Variants in ESRRG observed in about 807,000 individuals in gnomAD.
ESRRG encodes the protein estrogen-related receptor gamma.
ESRRG carries 13 observed loss-of-function variants against 44.0 expected under a neutral mutation model. The observed-to-expected ratio is 0.30, with a 90% CI of 0.19 to 0.47. ESRRG has a LOEUF of 0.47. ESRRG is among the 20% of genes least tolerant of loss of function. The pLI is 1.00. For synonymous variants in ESRRG, 215 were observed against 214.6 expected, an observed-to-expected ratio of 1.00 and a Z score of -0.02; for missense variants, 395 against 580.6, an observed-to-expected ratio of 0.68 and a Z score of 3.29.
intron 1 of ESRRG, among the ~76,000 whole-genome samples, chr1:217,037,632 A>G (rs2083138324): frequency 6.6e-6 from 1 of 152,192 alleles, no homozygotes; most frequent in Non-Finnish European, 1.5e-5. Context: ...CAAATCTCCT[A>G]TCTTCACATT....
intron 1 of ESRRG, among the ~76,000 whole-genome samples, chr1:216,967,613 C>A (rs924174409): frequency 1.2e-4 from 19 of 152,122 alleles, no homozygotes; most frequent in African/African-American, 4.6e-4. Context: ...TCTGGATGTA[C>A]CATGGTTTAT....
At chr1:217,058,784 C>G (rs1485029771) in intron 1 of ESRRG, among the ~76,000 whole-genome samples, 2 of 151,496 alleles carry the variant, frequency 1.3e-5, no homozygotes, top group Non-Finnish European at 2.9e-5. Context: ...GGAAGGCGAT[C>G]TAACTGTAAT....
At chr1:216,559,580 A>G (rs1205045617) in intron 5 of ESRRG, among the ~76,000 whole-genome samples, 3 of 152,232 alleles carry the variant, frequency 2.0e-5, no homozygotes, top group Admixed American at 1.3e-4. Context: ...CTGTACATCA[A>G]ACCTTAATCA....
intron 1 of ESRRG, among the ~76,000 whole-genome samples, chr1:217,133,645 C>CTCTCTCTTTCTTTCTTTCTTTCTTTT (rs1266397788): frequency 1.1e-5 from 1 of 91,728 alleles, no homozygotes; most frequent in Non-Finnish European, 2.2e-5. Flanking sequence ...CTCTCTCTCT[C>CTCTCTCTTTCTTTCTTTCTTTCTTTT]TCTTTCTTTC....
chr1:216,647,490 A>AT (rs11287469), intron 3 of ESRRG, among the ~76,000 whole-genome samples: 2 of 151,820 alleles, frequency 1.3e-5, no homozygotes, highest in South Asian at 2.1e-4. Context: ...AACTGATACA[A>AT]TTTTTTTTTG....
In ESRRG at chr1:216,676,471, G is replaced by A. The variant is rs1250142889; in HGVS notation, c.472+605C>T. ...CCAACCATAAGGAAAAAAGAAAGAT[G>A]AGTAGGTAATTAAATTTGTCTAGAG... On this transcript the variant is annotated intron_variant, in intron 2 of 6. Transcript: ENST00000408911. 2.4e-4 allele frequency among the ~76,000 whole-genome samples: 37 copies of A among 152,208 alleles called. 2 individuals carry two copies. Among genetic ancestry groups the A allele is most frequent in the East Asian group, 1.9e-4 (1 of 5,182 alleles).
chr1:216,883,922 T>C (rs1317097168), intron 2 of ESRRG, among the ~76,000 whole-genome samples: 1 of 152,226 alleles, frequency 6.6e-6, no homozygotes, highest in Non-Finnish European at 1.5e-5. Flanking sequence ...GTCCTGCTAA[T>C]GGGCTGTTCA....
At chr1:216,674,958 G>A (rs796463623) in intron 2 of ESRRG, among the ~76,000 whole-genome samples, 36 of 151,328 alleles carry the variant, frequency 2.4e-4, no homozygotes, top group African/African-American at 8.7e-4. Flanking sequence ...GATCAAGGAA[G>A]TTATGTAACA....
upstream of ESRRG, among the ~76,000 whole-genome samples, chr1:216,725,478 G>A (rs1181346825): frequency 1.3e-5 from 2 of 151,946 alleles, no homozygotes; most frequent in African/African-American, 2.4e-5. Flanking sequence ...AATAAGACAC[G>A]TAATCATTTT....
At chr1:217,039,375 C>G (rs1366992088) in intron 1 of ESRRG, among the ~76,000 whole-genome samples, 1 of 152,130 alleles carries the variant, frequency 6.6e-6, no homozygotes, top group Non-Finnish European at 1.5e-5. Context: ...GGGCAATTTA[C>G]AAAACAAAGA....
At chr1:216,782,713 G>A (rs1256635428) in intron 2 of ESRRG, among the ~76,000 whole-genome samples, 6 of 152,094 alleles carry the variant, frequency 3.9e-5, no homozygotes, top group East Asian at 3.9e-4. Context: ...ACTAATGATC[G>A]TCATTAATGA....
intron 3 of ESRRG, among the ~76,000 whole-genome samples, chr1:216,577,513 A>G (rs1296140083): frequency 6.6e-6 from 1 of 151,946 alleles, no homozygotes; most frequent in East Asian, 1.9e-4. Context: ...ACTGGCAGCA[A>G]TAAGTTTAAC....
chr1:216,643,033 T>C (rs1394465048), intron 3 of ESRRG, among the ~76,000 whole-genome samples: 1 of 152,170 alleles, frequency 6.6e-6, no homozygotes, highest in African/African-American at 2.4e-5. Context: ...GACAAGTAAG[T>C]TGCTCTTTGC....
At chr1:217,071,256 A>G (rs887891408) in intron 1 of ESRRG, among the ~76,000 whole-genome samples, 3 of 152,210 alleles carry the variant, frequency 2.0e-5, no homozygotes, top group Non-Finnish European at 4.4e-5. Context: ...TTGCAAAAAA[A>G]CAAAAAACAA....
rs143073448 is a variant in ESRRG, at chr1:216,682,275, G to A, written c.57-4784C>T. On this transcript the variant is annotated intron_variant, in intron 1 of 6. Coordinates refer to ENST00000408911, the MANE Select transcript of ESRRG (RefSeq NM_001438.4). ...GTGTTATACTAAGGCAATATCTTCT[G>A]CAACTTTTACTATATCTATACCAAT... Among the ~76,000 whole-genome samples, 629 of 152,286 alleles carry A rather than the reference G, an allele frequency of 4.1e-3. 6 individuals are homozygous for A. The highest frequency in any genetic ancestry group is 0.014 in the African/African-American group (597 of 41,554).
chr1:216,705,270 G>A (rs2082221918), intron 1 of ESRRG, among the ~76,000 whole-genome samples: 1 of 151,710 alleles, frequency 6.6e-6, no homozygotes, highest in South Asian at 2.1e-4. Context: ...GTACATGGTA[G>A]CCAACTAAAA....
At chr1:216,769,589 T>G (rs536429513) in intron 2 of ESRRG, among the ~76,000 whole-genome samples, 2 of 152,242 alleles carry the variant, frequency 1.3e-5, no homozygotes, top group South Asian at 4.2e-4. Flanking sequence ...ACATGTAAGT[T>G]GACCAGGAGC....
At chr1:216,650,892 T>C in intron 3 of ESRRG, 81 bp downstream of exon 3, 2 of 819,488 alleles carry the variant, frequency 2.4e-6, no homozygotes, top group Non-Finnish European at 4.3e-6. Flanking sequence ...TTTTTCTGGT[T>C]TCTCTAAAAC....
At chr1:216,822,158 G>A (rs1450042402) in intron 2 of ESRRG, among the ~76,000 whole-genome samples, 3 of 152,094 alleles carry the variant, frequency 2.0e-5, no homozygotes, top group Non-Finnish European at 2.9e-5. Flanking sequence ...ATAATTTGAT[G>A]GTGAATTTCA....
Sources: gnomAD v4.1 joint callset for allele counts (sites outside exome capture counted in the v4.1 genomes callset) on GRCh38, gnomAD v4.1.1 for gene constraint, MANE v1.5 for transcripts, NCBI Gene and HGNC (gene_info 2026-07-23, HGNC 2026-07-21) for gene names.